CSNK1G1: variants seen among roughly 807,000 people sequenced by gnomAD.
The protein encoded by CSNK1G1 is casein kinase I isoform gamma-1.
A neutral mutation model predicts 59.6 loss-of-function variants in CSNK1G1; 22 were observed. The ratio of observed to expected loss-of-function variants is 0.37; its 90% CI spans 0.26 to 0.53. The LOEUF is 0.53. CSNK1G1 is among the 20% of genes least tolerant of loss of function. CSNK1G1 has a pLI of 0.89. For missense variants in CSNK1G1, 384 were observed against 519.5 expected (o/e 0.74, Z 2.54); for synonymous variants, 179 against 177.1 (o/e 1.01, Z -0.08).
At chr15:64,204,833 A>T (rs2082155932) in intron 8 of CSNK1G1, 32 bp downstream of exon 8, 1 of 1,427,862 alleles carries the variant, frequency 7.0e-7, no homozygotes. Flanking sequence ...TTCAAAGCTC[A>T]GTCACACTGG....
intron 1 of CSNK1G1, among the ~76,000 whole-genome samples, chr15:64,311,139 C>T (rs530379636): frequency 4.0e-4 from 61 of 152,048 alleles, no homozygotes; most frequent in Non-Finnish European, 7.5e-4. Context: ...CTGCAACTTC[C>T]ACCTCCCGGG....
chr15:64,266,511 GAA>G (rs1038897580), intron 2 of CSNK1G1, among the ~76,000 whole-genome samples: 1 of 151,184 alleles, frequency 6.6e-6, no homozygotes, highest in South Asian at 2.1e-4. Context: ...CACAGAAAGA[GAA>G]AAAAAAATCC....
At chr15:64,307,993 A>G (rs1895777681) in intron 1 of CSNK1G1, among the ~76,000 whole-genome samples, 1 of 151,980 alleles carries the variant, frequency 6.6e-6, no homozygotes. Flanking sequence ...GCCTGTCAGC[A>G]ACTTACGCTT....
intron 10 of CSNK1G1, among the ~76,000 whole-genome samples, chr15:64,201,750 GT>G (rs397961590): frequency 2.8e-5 from 3 of 106,318 alleles, no homozygotes; most frequent in African/African-American, 8.4e-5. Context: ...GTGTGTGTGT[GT>G]TTATATACTA....
At chr15:64,238,648 T>C (rs2082652926) in intron 4 of CSNK1G1, among the ~76,000 whole-genome samples, 1 of 149,782 alleles carries the variant, frequency 6.7e-6, no homozygotes, top group Non-Finnish European at 1.5e-5. Flanking sequence ...AACAACCACA[T>C]AAAGTGCCTA....
chr15:64,187,050 T>C (rs2081906027), intron 10 of CSNK1G1, among the ~76,000 whole-genome samples: 1 of 152,122 alleles, frequency 6.6e-6, no homozygotes, highest in Non-Finnish European at 1.5e-5. Context: ...CTCAATCACT[T>C]GACCTTGTGA....
At chr15:64,248,036 T>C (rs1030402290) in intron 4 of CSNK1G1, among the ~76,000 whole-genome samples, 1 of 152,208 alleles carries the variant, frequency 6.6e-6, no homozygotes, top group South Asian at 2.1e-4. Flanking sequence ...AAAACACTAG[T>C]GAGTAAAAAC....
chr15:64,214,195 T>C lies in CSNK1G1; in HGVS notation c.445-71A>G. 1 of 1,112,898 alleles carries C rather than the reference T, an allele frequency of 9.0e-7. No homozygotes were observed. The highest frequency in any genetic ancestry group is 1.4e-6 in the Non-Finnish European group (1 of 734,650). 68.9% of individuals were successfully genotyped at this position (1,112,898 alleles called of 1,614,324 possible). A position where few individuals can be genotyped will look rare whatever the true frequency, so the allele number is the denominator to read the frequency against. On this transcript the variant is annotated intron_variant, in intron 5 of 11. Coordinates refer to ENST00000303052, the MANE Select transcript of CSNK1G1 (RefSeq NM_022048.5). The surrounding 1 kb of genome is among the most constrained non-coding windows in gnomAD (Gnocchi z 4.3). ...GGAAAATACATCAAAACAGTTTCTT[T>C]AGCCAGACCAAGGTTTTAATTATTG...
At chr15:64,353,105 A>G (rs1403846373) in intron 1 of CSNK1G1, among the ~76,000 whole-genome samples, 1 of 152,120 alleles carries the variant, frequency 6.6e-6, no homozygotes, top group Non-Finnish European at 1.5e-5. Flanking sequence ...AAAAGAAAAG[A>G]AAATTTCTCA....
At chr15:64,230,007 C>T (rs770566994) in intron 4 of CSNK1G1, among the ~76,000 whole-genome samples, 16 of 137,684 alleles carry the variant, frequency 1.2e-4, no homozygotes, top group Non-Finnish European at 2.1e-4. Context: ...CTGTAACTTC[C>T]ACCTCCCGGG....
At chr15:64,185,822 A>G (rs2081885619) in intron 10 of CSNK1G1, among the ~76,000 whole-genome samples, 1 of 150,316 alleles carries the variant, frequency 6.7e-6, no homozygotes, top group South Asian at 2.1e-4. Flanking sequence ...AGATCGCGCT[A>G]CTGCACTCCA....
At position 64,300,450 on chromosome 15, in the gene CSNK1G1, G is replaced by A. The variant is rs1258553531; in HGVS notation, c.50C>T (p.Pro17Leu). 1 of 1,614,026 alleles carries A rather than the reference G, an allele frequency of 6.2e-7. No individual in the cohort carries two copies. The highest frequency in any genetic ancestry group is 1.3e-5 in the African/African-American group (1 of 74,912). ...GCAGTGTGCACTCCTTTGTGCCATG[G>A]GTTTAGTTGTCCGTTGTCTTTCATC... is the stretch of plus-strand genomic sequence containing the variant. ...EKDERQRTTK[P>L]MAQRSAHCSR... The change falls in exon 2 of 12, where the codon CCC (proline) becomes CTC (leucine). Residue 17 changes from proline (P) to leucine (L), a missense_variant. By Grantham distance (98) the Pro-to-Leu change is moderately conservative. Around this residue, in one of 3 missense-constraint regions of CSNK1G1, gnomAD observed 56 missense variants for 60.8 expected, o/e 0.92. Coordinates refer to ENST00000303052, the MANE Select transcript of CSNK1G1 (RefSeq NM_022048.5).
chr15:64,242,788 C>G (rs550522762), intron 4 of CSNK1G1, among the ~76,000 whole-genome samples: 4 of 152,134 alleles, frequency 2.6e-5, no homozygotes, highest in Non-Finnish European at 5.9e-5. Context: ...CAAAAGAAAA[C>G]TACATAGCAA....
In CSNK1G1 at chr15:64,214,159, G is replaced by T; in HGVS notation, c.445-35C>A. On this transcript the variant is annotated intron_variant, in intron 5 of 11. Coordinates refer to ENST00000303052, the MANE Select transcript of CSNK1G1 (RefSeq NM_022048.5). This position sits in a 1 kb window ranked among gnomAD's most constrained non-coding sequence, Gnocchi z 4.3. ...AAACAAATGATAGAAAGACTGTAAAGAAGTATATCAGGAAAATACATCAAA... is the reference window on the plus strand; with the variant it reads ...AAACAAATGATAGAAAGACTGTAAATAAGTATATCAGGAAAATACATCAAA... 2 of 1,441,064 alleles carry T rather than the reference G, an allele frequency of 1.4e-6. No homozygotes were observed. The highest frequency in any genetic ancestry group is 2.0e-6 in the Non-Finnish European group (2 of 1,023,226). The allele number at this position is 1,441,064 out of a possible 1,614,324, so 89.3% of individuals were successfully genotyped here.
At chr15:64,301,759 C>T (rs1159773466) in intron 1 of CSNK1G1, among the ~76,000 whole-genome samples, 2 of 151,970 alleles carry the variant, frequency 1.3e-5, no homozygotes, top group Admixed American at 6.5e-5. Context: ...TGGTGGCAGG[C>T]ACCTGTAATC....
In CSNK1G1 at chr15:64,180,452, C is replaced by T. The variant is rs1460595018; in HGVS notation, c.1110G>A (p.Val370=). Residue 370 remains valine (V), a splice_region_variant and synonymous_variant, in exon 11 of 12, where the codon GTG becomes GTA. Coordinates refer to ENST00000303052, the MANE Select transcript of CSNK1G1 (RefSeq NM_022048.5). ...PSQQQPLRNQ[V]VSSTNGELNV... is the part of the protein sequence containing the mutation. ...TCAGCTCTCCATTGGTTGAGCTAAC[C>T]ACCTGAAACAGAAAGACAGAAGTGT... 1.9e-6 allele frequency: 3 copies of T among 1,612,350 alleles called. No homozygotes were observed. Among genetic ancestry groups the T allele is most frequent in the Non-Finnish European group, 1.7e-6 (2 of 1,178,392 alleles).
chr15:64,184,776 A>C (rs961562364), intron 10 of CSNK1G1, among the ~76,000 whole-genome samples: 13 of 152,320 alleles, frequency 8.5e-5, no homozygotes, highest in Non-Finnish European at 1.6e-4. Flanking sequence ...TATACCAAAC[A>C]AGACCAATTA....
intron 2 of CSNK1G1, among the ~76,000 whole-genome samples, chr15:64,297,757 G>A (rs1163820868): frequency 6.6e-6 from 1 of 151,974 alleles, no homozygotes; most frequent in African/African-American, 2.4e-5. Context: ...TGTGTGTCTA[G>A]GAAAGGAAAT....
intron 6 of CSNK1G1, among the ~76,000 whole-genome samples, chr15:64,209,797 C>T (rs1420417054): frequency 1.3e-5 from 2 of 152,212 alleles, no homozygotes; most frequent in African/African-American, 4.8e-5. Flanking sequence ...GTTTCTCATA[C>T]TGTATCACAC....
Sources: allele counts gnomAD v4.1 joint callset (sites outside exome capture counted in the v4.1 genomes callset), GRCh38; gene constraint gnomAD v4.1.1; regional missense constraint gnomAD v4.1.1; non-coding constraint Gnocchi (gnomAD v3.1); transcripts MANE v1.5; gene names NCBI Gene and HGNC (gene_info 2026-07-23, HGNC 2026-07-21).